The following PDCD2L variants were observed in gnomAD, a reference collection of about 807,000 sequenced individuals.
The protein encoded by PDCD2L is programmed cell death 2 like.
In PDCD2L, 44 loss-of-function variants were observed where a neutral mutation model predicts 40.4. The ratio of observed to expected loss-of-function variants is 1.09; its 90% CI spans 0.86 to 1.40. The LOEUF is 1.40. Among genes scored for constraint, PDCD2L ranks in the 40% most tolerant of loss-of-function variants. The pLI is 0.00. For missense variants in PDCD2L, 470 were observed against 453.7 expected (o/e 1.04, Z -0.33); for synonymous variants, 194 against 174.6 (o/e 1.11, Z -0.88).
chr19:34,408,505 G>A (rs560891017), intron 3 of PDCD2L, among the ~76,000 whole-genome samples: 1 of 152,102 alleles, frequency 6.6e-6, no homozygotes, highest in Non-Finnish European at 1.5e-5. Flanking sequence ...TTTAAGCTGA[G>A]ACAGACTTAA....
intron 3 of PDCD2L, among the ~76,000 whole-genome samples, chr19:34,408,033 G>A (rs2075084900): frequency 6.6e-6 from 1 of 151,794 alleles, no homozygotes; most frequent in Non-Finnish European, 1.5e-5. Context: ...TCAGCCTCCT[G>A]AGTAGATGGG....
chr19:34,404,622 G>T, intron 1 of PDCD2L, 27 bp from the exon 2 acceptor site: 1 of 1,604,422 alleles, frequency 6.2e-7, no homozygotes, highest in Non-Finnish European at 8.5e-7. Context: ...GGGAGTCGGG[G>T]TCTGAGCGCC....
In PDCD2L at chr19:34,414,254, C is replaced by T. The variant is rs140000215; in HGVS notation, c.797+407C>T. ...GTAGTGGCGTGATCTTGGCTCAATG[C>T]AACCTCCACCTCTTGGGTTTAAGCC... On this transcript the variant is annotated intron_variant, in intron 5 of 6. Transcript: ENST00000246535. Among the ~76,000 whole-genome samples, 565 of 151,460 alleles carry T rather than the reference C, an allele frequency of 3.7e-3. 6 individuals carry two copies. Among genetic ancestry groups the T allele is most frequent in the African/African-American group, 0.013 (549 of 41,258 alleles).
At chr19:34,405,746 A>G (rs1024329962) in intron 3 of PDCD2L, among the ~76,000 whole-genome samples, 1 of 151,998 alleles carries the variant, frequency 6.6e-6, no homozygotes, top group Non-Finnish European at 1.5e-5. Context: ...ATTAAAAACA[A>G]AAACAAAAAA....
chr19:34,406,717 A>G (rs1415891559), intron 3 of PDCD2L, among the ~76,000 whole-genome samples: 2 of 149,780 alleles, frequency 1.3e-5, no homozygotes, highest in African/African-American at 4.9e-5. Context: ...AACTATATTC[A>G]TGCTGTGCAG....
intron 6 of PDCD2L, among the ~76,000 whole-genome samples, chr19:34,423,909 A>G (rs900143079): frequency 5.9e-5 from 9 of 152,190 alleles, no homozygotes; most frequent in African/African-American, 2.2e-4. Context: ...TTCTTTTTGC[A>G]GTAGCTGGAT....
chr19:34,416,204 A>G (rs1000840725), intron 5 of PDCD2L, among the ~76,000 whole-genome samples: 17 of 152,284 alleles, frequency 1.1e-4, no homozygotes, highest in Admixed American at 6.5e-5. Flanking sequence ...GGCAGGTGTG[A>G]GCCACCATGC....
chr19:34,406,826 CT>C (rs35175132), intron 3 of PDCD2L, among the ~76,000 whole-genome samples: 9,567 of 102,414 alleles, frequency 0.093, 156 homozygotes, highest in African/African-American at 0.2. Context: ...TTCTTTCTTC[CT>C]TTTTTTTTTT....
rs529323953 is a variant in PDCD2L at position 34,419,543 on chromosome 19, A to C, written c.798-1976A>C. Among the ~76,000 whole-genome samples, 17 of 148,944 alleles carry C rather than the reference A, an allele frequency of 1.1e-4. No homozygotes were observed. In the East Asian group the frequency reaches 3.2e-3, roughly 28 times the overall value. ...AGATGGGTGTCTCACTATGTGGCCT[A>C]GGCTGGTCTTGAACTCCTGGACTCA... On this transcript the variant is annotated intron_variant, in intron 5 of 6. Coordinates refer to ENST00000246535, the MANE Select transcript of PDCD2L (RefSeq NM_032346.2).
intron 4 of PDCD2L, among the ~76,000 whole-genome samples, chr19:34,412,872 G>C (rs562713888): frequency 1.3e-5 from 2 of 151,330 alleles, no homozygotes; most frequent in East Asian, 3.9e-4. Context: ...TGGAATAGCC[G>C]GGACCACAGG....
intron 4 of PDCD2L, 71 bp downstream of exon 4, chr19:34,409,581 T>C: frequency 7.2e-7 from 1 of 1,388,536 alleles, no homozygotes; most frequent in Non-Finnish European, 1.0e-6. Context: ...ACCCTTCAGT[T>C]TCACCACAGG....
chr19:34,404,858 C>T (rs1599867550), intron 2 of PDCD2L, 43 bp downstream of exon 2: 1 of 1,607,650 alleles, frequency 6.2e-7, no homozygotes. Context: ...GTGTCCTTTC[C>T]AGCGGGCTGG....
At chr19:34,416,081 C>T (rs1049206797) in intron 5 of PDCD2L, among the ~76,000 whole-genome samples, 6 of 152,126 alleles carry the variant, frequency 3.9e-5, no homozygotes, top group Non-Finnish European at 7.3e-5. Flanking sequence ...CCAACATACC[C>T]GGCTAATTTT....
intron 5 of PDCD2L, among the ~76,000 whole-genome samples, chr19:34,417,553 GACCGAGACTGCGCCATTGC>G (rs1213598630): frequency 1.3e-5 from 2 of 151,066 alleles, no homozygotes; most frequent in East Asian, 3.9e-4. Flanking sequence ...GGTTGCAGTC[GACCGAGACTGCGCCATTGC>G]ACTCCAGCCT....
intron 6 of PDCD2L, among the ~76,000 whole-genome samples, chr19:34,423,833 G>A (rs2145474757): frequency 6.6e-6 from 1 of 152,236 alleles, no homozygotes; most frequent in South Asian, 2.1e-4. Context: ...TTAGTTCTAT[G>A]TGTAAATGGA....
chr19:34,420,195 T>C (rs368433083), intron 5 of PDCD2L, among the ~76,000 whole-genome samples: 1 of 152,102 alleles, frequency 6.6e-6, no homozygotes, highest in African/African-American at 2.4e-5. Context: ...TTCACCATGT[T>C]GGCCAAGCTG....
chr19:34,419,873 C>G (rs1375981200), intron 5 of PDCD2L, among the ~76,000 whole-genome samples: 4 of 143,036 alleles, frequency 2.8e-5, no homozygotes. Flanking sequence ...GCCTCAGACT[C>G]CTGAGCTCAA....
In PDCD2L at chr19:34,417,193, A is replaced by G. The variant is rs564230853; in HGVS notation, c.797+3346A>G. ...GCTTCAAAATGTATAAGAACTTCAT[A>G]AGAATGGATTCCATAAAACAAGAGC... On this transcript the variant is annotated intron_variant, in intron 5 of 6. Coordinates refer to ENST00000246535, the MANE Select transcript of PDCD2L (RefSeq NM_032346.2). Among the ~76,000 whole-genome samples, 61 of 152,336 alleles carry G rather than the reference A, an allele frequency of 4.0e-4. No individual in the cohort carries two copies. In the South Asian group the frequency reaches 0.013, roughly 32 times the overall value.
At chr19:34,414,215 G>A (rs553215172) in intron 5 of PDCD2L, among the ~76,000 whole-genome samples, 19 of 151,088 alleles carry the variant, frequency 1.3e-4, no homozygotes, top group African/African-American at 4.4e-4. Context: ...GCGCTCTGTC[G>A]CCCAGGCTGG....
Sources: gnomAD v4.1 joint callset for allele counts (sites outside exome capture counted in the v4.1 genomes callset) on GRCh38, gnomAD v4.1.1 for gene constraint, MANE v1.5 for transcripts, NCBI Gene and HGNC (gene_info 2026-07-23, HGNC 2026-07-21) for gene names.